Variants in PPFIBP2 observed in about 807,000 individuals in gnomAD.
PPFIBP2 encodes the protein liprin-beta-2.
PPFIBP2 carries 118 observed loss-of-function variants against 118.3 expected under a neutral mutation model. The observed-to-expected ratio is 1.00, with a 90% confidence interval of 0.86 to 1.16. PPFIBP2 has a LOEUF of 1.16. Ranked by LOEUF, PPFIBP2 falls within the 50% of genes most tolerant of loss-of-function variation. The pLI is 0.00. For missense variants in PPFIBP2, 1,195 were observed against 1,073.1 expected (o/e 1.11, Z -1.59); for synonymous variants, 414 against 397.4 (o/e 1.04, Z -0.50).
At chr11:7,655,498 GGTAGGACTCTGAC>G, downstream of PPFIBP2, 2 of 1,289,716 alleles carry the variant, frequency 1.6e-6, no homozygotes, top group Non-Finnish European at 2.0e-6. Context: ...ACCGCCTTAC[GGTAGGACTCTGAC>G]CCTCTCCCCA....
At chr11:7,570,880 T>C (rs1417977890) in intron 3 of PPFIBP2, among the ~76,000 whole-genome samples, 10 of 152,234 alleles carry the variant, frequency 6.6e-5, no homozygotes, top group African/African-American at 2.2e-4. Flanking sequence ...CTGCAAGATC[T>C]GGCCAAGCAT....
intron 15 of PPFIBP2, 135 bp from the exon 16 acceptor site, chr11:7,641,344 A>T: frequency 1.0e-6 from 1 of 982,212 alleles, no homozygotes; most frequent in Non-Finnish European, 1.5e-6. Context: ...GGATCTTGGT[A>T]TGGAGTTCTG....
At chr11:7,542,101 A>G (rs1398784922) in intron 1 of PPFIBP2, among the ~76,000 whole-genome samples, 1 of 152,236 alleles carries the variant, frequency 6.6e-6, no homozygotes, top group Non-Finnish European at 1.5e-5. Context: ...AGATCATGTC[A>G]ACTCTATCCT....
chr11:7,619,208 A>C (rs116226455), intron 6 of PPFIBP2, among the ~76,000 whole-genome samples: 1,641 of 152,314 alleles, frequency 0.011, 33 homozygotes, highest in African/African-American at 0.037. Context: ...TTTAATTGCA[A>C]ATTATGTAGG....
At position 7,653,273 on chromosome 11, in the gene PPFIBP2, T is replaced by G; in HGVS notation, c.*55T>G. The G allele has an allele frequency of 6.2e-7, 1 of 1,608,060 alleles. No homozygotes were observed. Among genetic ancestry groups the G allele is most frequent in the East Asian group, 2.2e-5 (1 of 44,844 alleles). ...TGAGAGCTCACAGTAACACTGTGTG[T>G]GTCACCATATAACTGCACCTCACCC... On this transcript the variant is annotated 3_prime_UTR_variant, in exon 24 of 24. Coordinates refer to ENST00000299492, the MANE Select transcript of PPFIBP2 (RefSeq NM_003621.5).
intron 1 of PPFIBP2, among the ~76,000 whole-genome samples, chr11:7,540,249 G>GT (rs143296049): frequency 0.14 from 20,320 of 145,842 alleles, 1,428 homozygotes; most frequent in Non-Finnish European, 0.15. Context: ...GATGAGGGGT[G>GT]TGGGGGGGCG....
intron 7 of PPFIBP2, among the ~76,000 whole-genome samples, chr11:7,622,114 G>C (rs78017839): frequency 0.011 from 1,638 of 152,318 alleles, 33 homozygotes; most frequent in African/African-American, 0.037. Context: ...GGGTACTGCA[G>C]GTTTTACAGG....
rs570176978 is a variant in PPFIBP2, at chr11:7,611,593, G to C, written c.618+1171G>C. 5.3e-5 allele frequency among the ~76,000 whole-genome samples: 8 copies of C among 152,352 alleles called. No homozygotes were observed. The South Asian group carries it at 1.7e-3, about 32-fold the overall frequency. ...ACTAAGAGTCCAGGCTGATGAATCA[G>C]ATCTCCTGGCTTTAAACTGAGCTCA... On this transcript the variant is annotated intron_variant, in intron 6 of 23. Transcript: ENST00000299492.
chr11:7,596,815 A>AGAAG (rs1277955463), intron 4 of PPFIBP2, among the ~76,000 whole-genome samples: 1 of 152,250 alleles, frequency 6.6e-6, no homozygotes, highest in Admixed American at 6.5e-5. Context: ...TTGCTAATAG[A>AGAAG]GAAGGCTATG....
Position 7,627,350 on chromosome 11 carries a change from C to T in PPFIBP2, c.827-935C>T, listed in dbSNP as rs567824635. ...CCACTTTATTCTGAAAATGAATCTCCACAACTATTTACACAAAGTCCATAG... is the reference window on the plus strand; with the variant it reads ...CCACTTTATTCTGAAAATGAATCTCTACAACTATTTACACAAAGTCCATAG... On this transcript the variant is annotated intron_variant, in intron 8 of 23. Transcript: ENST00000299492. 3.3e-5 allele frequency among the ~76,000 whole-genome samples: 5 copies of T among 152,298 alleles called. No individual in the cohort carries two copies. The South Asian group carries it at 6.2e-4, about 19-fold the overall frequency.
At chr11:7,582,584 G>A (rs1179602533) in intron 3 of PPFIBP2, among the ~76,000 whole-genome samples, 1 of 152,150 alleles carries the variant, frequency 6.6e-6, no homozygotes. Context: ...TGGACTGGCA[G>A]CAGCACTTAG....
chr11:7,579,051 GT>G lies in PPFIBP2; in HGVS notation c.279+13285del, dbSNP rs557922585. Among the ~76,000 whole-genome samples, 41 of 151,904 alleles carry G rather than the reference GT, an allele frequency of 2.7e-4. No individual in the cohort carries two copies. In the East Asian group the frequency reaches 7.2e-3, roughly 27 times the overall value. On this transcript the variant is annotated intron_variant, in intron 3 of 23. Coordinates refer to ENST00000299492, the MANE Select transcript of PPFIBP2 (RefSeq NM_003621.5). ...AGTGACATGGGATACATTGGGGGGG[GT>G]CTAGTTTGTATTTTAAGAAAATTAC...
At chr11:7,655,325 A>T (rs985248392), downstream of PPFIBP2, 3 of 786,508 alleles carry the variant, frequency 3.8e-6, no homozygotes, top group Admixed American at 2.4e-5. Flanking sequence ...CCTCCAGAGA[A>T]GCATGCCCTG....
intron 3 of PPFIBP2, 25 bp from the exon 4 acceptor site, chr11:7,593,107 A>G: frequency 1.2e-6 from 2 of 1,605,816 alleles, no homozygotes. Context: ...TTTTAAGTGT[A>G]TTCTTTTTTT....
intron 4 of PPFIBP2, 27 bp from the exon 5 acceptor site, chr11:7,597,533 C>T: frequency 6.2e-7 from 1 of 1,600,136 alleles, no homozygotes; most frequent in Non-Finnish European, 8.5e-7. Context: ...CCCTGGTCCT[C>T]CACCATTGCT....
chr11:7,640,116 G>A (rs1451568288), intron 15 of PPFIBP2, among the ~76,000 whole-genome samples: 3 of 151,700 alleles, frequency 2.0e-5, no homozygotes. Flanking sequence ...ACTTCTTTTC[G>A]GCTGCAGCTT....
At chr11:7,595,889 T>TC (rs1302816533) in intron 4 of PPFIBP2, among the ~76,000 whole-genome samples, 2 of 125,202 alleles carry the variant, frequency 1.6e-5, no homozygotes, top group Admixed American at 1.7e-4. Flanking sequence ...AGGATTTTTA[T>TC]CCTTTTTTTT....
chr11:7,648,591 AGGC>A (rs1853489318), intron 18 of PPFIBP2, 54 bp downstream of exon 18: 1 of 1,603,426 alleles, frequency 6.2e-7, no homozygotes, highest in East Asian at 2.2e-5. Flanking sequence ...AAGCATGGGG[AGGC>A]CAGGGTCCGC....
At chr11:7,580,750 A>G (rs1857143391) in intron 3 of PPFIBP2, among the ~76,000 whole-genome samples, 1 of 152,214 alleles carries the variant, frequency 6.6e-6, no homozygotes, top group Admixed American at 6.5e-5. Context: ...AAGGGAGATA[A>G]TAGTACCTAC....
Sources: gnomAD v4.1 joint callset for allele counts (sites outside exome capture counted in the v4.1 genomes callset) on GRCh38, gnomAD v4.1.1 for gene constraint, MANE v1.5 for transcripts, NCBI Gene and HGNC (gene_info 2026-07-23, HGNC 2026-07-21) for gene names.